KLF3: variants seen among roughly 807,000 people sequenced by gnomAD.
KLF3 encodes KLF transcription factor 3, also known as Krueppel-like factor 3.
Under a neutral mutation model 32.7 loss-of-function variants are expected in KLF3, and 6 were observed. The observed-to-expected ratio is 0.18, with a 90% confidence interval of 0.10 to 0.36. The LOEUF (loss-of-function observed/expected upper bound fraction) is 0.36, where lower values mean the gene tolerates loss of function less well. Among genes scored for constraint, KLF3 ranks in the 10% least tolerant of loss-of-function variants. The pLI, the probability that KLF3 is intolerant of heterozygous loss-of-function variation, is 1.00. For missense variants in KLF3, 338 were observed against 449.7 expected, an observed-to-expected ratio of 0.75 and a Z score of 2.25; for synonymous variants, 145 against 172.8, an observed-to-expected ratio of 0.84 and a Z score of 1.26.
chr4:38,667,385 C>T (rs533649234), intron 1 of KLF3, among the ~76,000 whole-genome samples: 17 of 152,286 alleles, frequency 1.1e-4, no homozygotes, highest in South Asian at 4.1e-4. Flanking sequence ...GGTCCCTGCC[C>T]CTAAACTCCG....
At chr4:38,677,037 T>C (rs1487469100) in intron 1 of KLF3, among the ~76,000 whole-genome samples, 5 of 148,438 alleles carry the variant, frequency 3.4e-5, no homozygotes, top group Non-Finnish European at 7.4e-5. Context: ...TTGGGCTCAC[T>C]GCAACCTCCG....
At chr4:38,685,348 T>C (rs1348650448) in intron 2 of KLF3, among the ~76,000 whole-genome samples, 1 of 152,206 alleles carries the variant, frequency 6.6e-6, no homozygotes, top group East Asian at 1.9e-4. Flanking sequence ...TGTGTCCAAA[T>C]GTGTCTCTCC....
intron 1 of KLF3, 131 bp downstream of exon 1, chr4:38,664,592 G>GT (rs1187218250): frequency 6.6e-6 from 1 of 151,554 alleles, no homozygotes; most frequent in South Asian, 2.1e-4. Context: ...GCTGGTGTTG[G>GT]GGGGGGCGCC....
At chr4:38,689,103 C>T (rs373618654) in intron 3 of KLF3, 32 bp downstream of exon 3, 8 of 1,607,198 alleles carry the variant, frequency 5.0e-6, no homozygotes, top group Non-Finnish European at 6.8e-6. Flanking sequence ...TGCTGCTGCA[C>T]TTGCTTAGCG....
chr4:38,688,546 A>T lies in KLF3; in HGVS notation c.58-39A>T. 1.3e-6 allele frequency: 2 copies of T among 1,535,244 alleles called. No homozygotes were observed. The highest frequency in any genetic ancestry group is 1.8e-6 in the Non-Finnish European group (2 of 1,139,530). On this transcript the variant is annotated intron_variant, in intron 2 of 5. Transcript: ENST00000261438. The surrounding 1 kb of genome is among the most constrained non-coding windows in gnomAD (Gnocchi z 4.9). ...ATTCATGTTTCAAGTAAATGGACTT[A>T]TTTGGCTGTTGACACGTTTTCCTTT...
chr4:38,701,290 G>T lies in KLF3; in HGVS notation c.*4027G>T. ...AAATCATAAAACTGCAGACAATCCA[G>T]CAAAAATCTACAAACTCACCTAGTT... On this transcript the variant is annotated 3_prime_UTR_variant, in exon 6 of 6. Coordinates refer to ENST00000261438, the MANE Select transcript of KLF3 (RefSeq NM_016531.6). Among the ~76,000 whole-genome samples the T allele has an allele frequency of 6.6e-6, 1 of 152,130 alleles. No individual in the cohort carries two copies. The highest frequency in any genetic ancestry group is 2.1e-4 in the South Asian group (1 of 4,828).
At chr4:38,667,378 C>A (rs1354458805) in intron 1 of KLF3, among the ~76,000 whole-genome samples, 1 of 152,184 alleles carries the variant, frequency 6.6e-6, no homozygotes, top group Non-Finnish European at 1.5e-5. Context: ...AGGCTGAGGT[C>A]CCTGCCCCTA....
Position 38,697,264 on chromosome 4 carries a change from T to C in KLF3, c.*1T>C. 1 of 1,605,044 alleles carries C rather than the reference T, an allele frequency of 6.2e-7. No homozygotes were observed. The highest frequency in any genetic ancestry group is 8.5e-7 in the Non-Finnish European group (1 of 1,174,302). On this transcript the variant is annotated 3_prime_UTR_variant, in exon 6 of 6. Coordinates refer to ENST00000261438, the MANE Select transcript of KLF3 (RefSeq NM_016531.6). ...TAGGAAACGCCACATGCTAGTCTGA[T>C]TGCCTCTGTGTCCTGCCTCAGCGTG...
intron 2 of KLF3, among the ~76,000 whole-genome samples, chr4:38,686,471 A>G (rs541783322): frequency 1.3e-5 from 2 of 151,694 alleles, no homozygotes; most frequent in East Asian, 3.9e-4. Context: ...AAAGAAAAGA[A>G]AATTCTTTTT....
intron 5 of KLF3, 127 bp from the exon 6 acceptor site, chr4:38,696,955 T>A (rs1247191855): frequency 1.4e-6 from 1 of 723,854 alleles, no homozygotes; most frequent in African/African-American, 1.8e-5. Context: ...TAGTTTATAA[T>A]GCACTGTGTT....
In KLF3 at chr4:38,688,767, C is replaced by G. The variant is rs1365663326; in HGVS notation, c.240C>G (p.Ser80=). 2 of 1,614,240 alleles carry G rather than the reference C, an allele frequency of 1.2e-6. No homozygotes were observed. The highest frequency in any genetic ancestry group is 1.7e-5 in the Admixed American group (1 of 60,034). The part of the protein sequence containing the change: ...SSPPSAGNSP[S]SLKFPSSHRR... ...CCCCTTCGGCTGGGAATTCGCCCTCCTCTCTGAAGTTCCCGTCCTCACACC... is the reference window on the plus strand; with the variant it reads ...CCCCTTCGGCTGGGAATTCGCCCTCGTCTCTGAAGTTCCCGTCCTCACACC... Residue 80 remains serine (S), a synonymous_variant, in exon 3 of 6, where the codon TCC becomes TCG. Transcript: ENST00000261438. The surrounding 1 kb of genome is among the most constrained non-coding windows in gnomAD (Gnocchi z 4.9).
chr4:38,686,459 AAAAAG>A (rs1560417799), intron 2 of KLF3, among the ~76,000 whole-genome samples: 1 of 147,410 alleles, frequency 6.8e-6, no homozygotes, highest in African/African-American at 2.5e-5. Context: ...AAAAAAAAAA[AAAAAG>A]AAAAGAAAAT....
intron 2 of KLF3, among the ~76,000 whole-genome samples, chr4:38,681,459 G>A (rs1388932580): frequency 6.6e-6 from 1 of 152,220 alleles, no homozygotes; most frequent in Non-Finnish European, 1.5e-5. Context: ...TGGCTGGGTA[G>A]GAATTACGTT....
intron 2 of KLF3, among the ~76,000 whole-genome samples, chr4:38,682,769 A>G (rs1722569989): frequency 1.3e-5 from 2 of 152,264 alleles, no homozygotes; most frequent in South Asian, 4.1e-4. Flanking sequence ...GTAACGTAGT[A>G]ATACATGAAG....
intron 1 of KLF3, among the ~76,000 whole-genome samples, chr4:38,675,204 A>G (rs1057398286): frequency 6.6e-6 from 1 of 152,238 alleles, no homozygotes; most frequent in African/African-American, 2.4e-5. Flanking sequence ...GCATGAAGGG[A>G]AATCTGTTTC....
intron 2 of KLF3, among the ~76,000 whole-genome samples, chr4:38,681,160 T>C (rs757458557): frequency 6.6e-5 from 10 of 152,210 alleles, no homozygotes; most frequent in Non-Finnish European, 1.5e-4. Flanking sequence ...TCCTAGCAGC[T>C]GTGGATCCTT....
At chr4:38,692,820 T>C (rs542198916) in intron 4 of KLF3, among the ~76,000 whole-genome samples, 15 of 152,264 alleles carry the variant, frequency 9.9e-5, no homozygotes, top group African/African-American at 3.6e-4. Flanking sequence ...TCTCCCAGTA[T>C]CCCAAAGACA....
chr4:38,695,649 ATTGT>A (rs1389631981), intron 5 of KLF3, among the ~76,000 whole-genome samples: 3 of 152,200 alleles, frequency 2.0e-5, no homozygotes, highest in Non-Finnish European at 4.4e-5. Context: ...AAGCAGGAGG[ATTGT>A]TTGAGCCCAG....
rs986607287 is a variant in KLF3, at chr4:38,698,346, A to G, written c.*1083A>G. Reference sequence around the variant, plus strand: ...GAGTGGTACTTGTATTCCCTTATCAAATTAATCACATAGCTTTTATACAGA... The same window carrying G: ...GAGTGGTACTTGTATTCCCTTATCAGATTAATCACATAGCTTTTATACAGA... On this transcript the variant is annotated 3_prime_UTR_variant, in exon 6 of 6. Coordinates refer to ENST00000261438, the MANE Select transcript of KLF3 (RefSeq NM_016531.6). 6.6e-6 allele frequency: 1 copy of G among 152,638 alleles called. No individual in the cohort carries two copies. Among genetic ancestry groups the G allele is most frequent in the African/African-American group, 2.4e-5 (1 of 41,446 alleles). 9.5% of individuals were successfully genotyped at this position (152,638 alleles called of 1,614,324 possible).
Sources: allele counts gnomAD v4.1 joint callset (sites outside exome capture counted in the v4.1 genomes callset), GRCh38; gene constraint gnomAD v4.1.1; non-coding constraint Gnocchi (gnomAD v3.1); transcripts MANE v1.5; gene names NCBI Gene and HGNC (gene_info 2026-07-23, HGNC 2026-07-21).